WDR27: variants seen among roughly 807,000 people sequenced by gnomAD.
The protein encoded by WDR27 is WD repeat-containing protein 27.
Under a neutral mutation model 114.4 loss-of-function variants are expected in WDR27, and 100 were observed. The ratio of observed to expected loss-of-function variants is 0.87; its 90% CI spans 0.74 to 1.03. WDR27 has a LOEUF of 1.03. Ranked by LOEUF, WDR27 falls within the 50% of genes least tolerant of loss-of-function variation. The probability of loss-of-function intolerance (pLI) is 0.00; values close to 1 mark genes in which losing one functional copy is unlikely to be tolerated. For missense variants in WDR27, 1,129 were observed against 1,092.9 expected, an observed-to-expected ratio of 1.03 and a Z score of -0.47; for synonymous variants, 449 against 423.1, an observed-to-expected ratio of 1.06 and a Z score of -0.75.
chr6:169,446,244 G>A, the WDR27 span, among the ~76,000 whole-genome samples: 3 of 152,160 alleles, frequency 2.0e-5, no homozygotes, highest in Non-Finnish European at 4.4e-5. Flanking sequence ...GCCTGTTGAG[G>A]GTGGCATGTG....
At chr6:169,495,458 T>C (rs941990833) in intron 25 of WDR27, among the ~76,000 whole-genome samples, 1 of 150,628 alleles carries the variant, frequency 6.6e-6, no homozygotes, top group African/African-American at 2.4e-5. Flanking sequence ...AGAGGAAATA[T>C]AAAATAAAGA....
intron 25 of WDR27, among the ~76,000 whole-genome samples, chr6:169,471,499 C>T (rs998867669): frequency 3.3e-5 from 5 of 151,946 alleles, no homozygotes; most frequent in East Asian, 3.9e-4. Flanking sequence ...AAAGGAAAAG[C>T]GAATAAAGTT....
intron 2 of WDR27, among the ~76,000 whole-genome samples, chr6:169,675,524 C>G (rs1467825125): frequency 6.6e-6 from 1 of 152,088 alleles, no homozygotes; most frequent in Non-Finnish European, 1.5e-5. Flanking sequence ...AGAACATGTA[C>G]CCAAGGTGGT....
At chr6:169,467,542 G>A (rs1357394285) in intron 25 of WDR27, among the ~76,000 whole-genome samples, 1 of 152,250 alleles carries the variant, frequency 6.6e-6, no homozygotes, top group East Asian at 1.9e-4. Flanking sequence ...GCCAAGGCTT[G>A]GGGTTTCCAC....
At chr6:169,577,108 G>C (rs1802493382) in intron 24 of WDR27, among the ~76,000 whole-genome samples, 2 of 150,218 alleles carry the variant, frequency 1.3e-5, no homozygotes, top group Non-Finnish European at 3.0e-5. Context: ...AGAGTTACGT[G>C]GGCCACAAGA....
intron 23 of WDR27, among the ~76,000 whole-genome samples, chr6:169,597,795 T>A (rs1485800462): frequency 6.6e-6 from 1 of 151,984 alleles, no homozygotes; most frequent in Non-Finnish European, 1.5e-5. Context: ...CCTAAAGTTT[T>A]CAAGTTTTTA....
At chr6:169,552,979 T>G (rs1340231603) in intron 25 of WDR27, among the ~76,000 whole-genome samples, 1 of 77,264 alleles carries the variant, frequency 1.3e-5, no homozygotes, top group African/African-American at 6.3e-5. Flanking sequence ...GCCCGGTGTG[T>G]GTGTGTGTGT....
At chr6:169,579,346 C>T (rs1437534678) in intron 24 of WDR27, among the ~76,000 whole-genome samples, 1 of 152,112 alleles carries the variant, frequency 6.6e-6, no homozygotes, top group Admixed American at 6.5e-5. Context: ...ATGTATTTAT[C>T]ATAAGATATA....
chr6:169,648,576 C>T (rs913549418), intron 15 of WDR27, among the ~76,000 whole-genome samples: 1 of 152,224 alleles, frequency 6.6e-6, no homozygotes, highest in Non-Finnish European at 1.5e-5. Flanking sequence ...GCAGTGAATG[C>T]GGGCAAAATC....
chr6:169,634,165 G>A (rs949104705), intron 20 of WDR27, among the ~76,000 whole-genome samples: 2 of 152,186 alleles, frequency 1.3e-5, no homozygotes, highest in Admixed American at 1.3e-4. Flanking sequence ...CAGAGCAGAA[G>A]GGCCAGGTCA....
intron 25 of WDR27, among the ~76,000 whole-genome samples, chr6:169,550,728 A>G (rs1044331955): frequency 4.4e-5 from 6 of 136,730 alleles, no homozygotes; most frequent in African/African-American, 8.3e-5. Context: ...GCCTTATTTT[A>G]TTTTTGAGAC....
chr6:169,462,185 C>G (rs1328133867), intron 25 of WDR27, among the ~76,000 whole-genome samples: 1 of 151,390 alleles, frequency 6.6e-6, no homozygotes, highest in Non-Finnish European at 1.5e-5. Flanking sequence ...CACGATGGCT[C>G]ACACCTGTAA....
At chr6:169,605,863 AC>A (rs1809061613) in intron 22 of WDR27, among the ~76,000 whole-genome samples, 1 of 152,142 alleles carries the variant, frequency 6.6e-6, no homozygotes, top group African/African-American at 2.4e-5. Context: ...GGGAAAGGAC[AC>A]CCTTTGTAAT....
chr6:169,700,464 C>T (rs1346196894), intron 1 of WDR27, among the ~76,000 whole-genome samples: 1 of 152,248 alleles, frequency 6.6e-6, no homozygotes, highest in Non-Finnish European at 1.5e-5. Context: ...TCCCTAGCTT[C>T]CCTTGCAATT....
At position 169,583,512 on chromosome 6, in the gene WDR27, TACAC is replaced by T. The variant is rs145440232; in HGVS notation, c.2425-582_2425-579del. ...ACATATATATATATATATGTATATA[TACAC>T]ACACACACACACACACACACACACA... On this transcript the variant is annotated intron_variant, in intron 23 of 25. Transcript: ENST00000448612. 3.2e-3 allele frequency among the ~76,000 whole-genome samples: 126 copies of T among 38,900 alleles called. 2 individuals are homozygous for T. The highest frequency in any genetic ancestry group is 5.9e-3 in the African/African-American group (106 of 17,974). 25.5% of individuals were successfully genotyped at this position (38,900 alleles called of 152,430 possible).
the WDR27 span, among the ~76,000 whole-genome samples, chr6:169,443,644 C>T: frequency 6.6e-6 from 1 of 152,172 alleles, no homozygotes. Context: ...CTGGATGACA[C>T]ACATAGGCTG....
intron 25 of WDR27, among the ~76,000 whole-genome samples, chr6:169,551,485 A>G (rs1485408197): frequency 6.6e-6 from 1 of 152,132 alleles, no homozygotes; most frequent in Non-Finnish European, 1.5e-5. Context: ...AGGAGGATCC[A>G]GTACTTTAGG....
chr6:169,592,640 T>C (rs1805970175), intron 23 of WDR27, among the ~76,000 whole-genome samples: 1 of 152,232 alleles, frequency 6.6e-6, no homozygotes, highest in Admixed American at 6.5e-5. Flanking sequence ...TGAATAATTT[T>C]AGCTGTTCTT....
At chr6:169,666,484 G>A (rs548270424) in intron 6 of WDR27, 3 of 985,368 alleles carry the variant, frequency 3.0e-6, no homozygotes, top group South Asian at 4.7e-5. Context: ...ACGTGCACAA[G>A]GGGAGCAAAG....
Sources: allele counts gnomAD v4.1 joint callset (sites outside exome capture counted in the v4.1 genomes callset), GRCh38; gene constraint gnomAD v4.1.1; transcripts MANE v1.5; gene names NCBI Gene and HGNC (gene_info 2026-07-23, HGNC 2026-07-21).